Variants in WDHD1 observed in about 807,000 individuals in gnomAD.
The protein encoded by WDHD1 is WD repeat and HMG-box DNA binding protein 1, also known as WD repeat and HMG-box DNA-binding protein 1.
Under a neutral mutation model 135.4 loss-of-function variants are expected in WDHD1, and 111 were observed. That is an observed-to-expected ratio of 0.82 (90% CI 0.70 to 0.96). WDHD1 has a LOEUF of 0.96. Among genes scored for constraint, WDHD1 ranks in the 40% least tolerant of loss-of-function variants. The pLI is 0.00. For missense variants in WDHD1, 1,351 were observed against 1,336.3 expected (o/e 1.01, Z -0.17); for synonymous variants, 434 against 439.0 (o/e 0.99, Z 0.14).
chr14:54,942,872 C>G (rs1343563069), intron 25 of WDHD1, among the ~76,000 whole-genome samples: 3 of 152,160 alleles, frequency 2.0e-5, no homozygotes, highest in African/African-American at 7.2e-5. Context: ...TATTCAAAAA[C>G]ACAATCACAG....
intron 24 of WDHD1, among the ~76,000 whole-genome samples, chr14:54,954,274 G>A (rs545129886): frequency 3.5e-4 from 54 of 152,144 alleles, no homozygotes; most frequent in African/African-American, 1.2e-3. Flanking sequence ...CAACAAGAGC[G>A]AAACTCCGTC....
intron 21 of WDHD1, among the ~76,000 whole-genome samples, chr14:54,959,467 G>C (rs1169888352): frequency 6.6e-6 from 1 of 151,808 alleles, no homozygotes; most frequent in Non-Finnish European, 1.5e-5. Flanking sequence ...CAGGCAGGCA[G>C]GCAGGAAATT....
intron 7 of WDHD1, 130 bp from the exon 8 acceptor site, chr14:55,002,315 T>C: frequency 3.0e-6 from 2 of 658,162 alleles, no homozygotes; most frequent in South Asian, 4.1e-5. Context: ...TGTTTCTGTT[T>C]TTAAGAGACG....
intron 2 of WDHD1, among the ~76,000 whole-genome samples, chr14:55,019,817 C>T (rs185879996): frequency 4.1e-4 from 62 of 152,258 alleles, no homozygotes; most frequent in African/African-American, 1.3e-3. Flanking sequence ...TACAGTGAGC[C>T]GAGATCGTGC....
rs368758306 is a variant in WDHD1 at position 55,000,676 on chromosome 14, T to A, written c.801-32A>T. On this transcript the variant is annotated intron_variant, in intron 9 of 25. Transcript: ENST00000360586. ...ATTAAAAAGTAGGTTCTAAAAATAC[T>A]GTCAAGAAAAATATAAATTGTACAT... The A allele has an allele frequency of 6.8e-6, 10 of 1,476,228 alleles. No individual in the cohort carries two copies. The African/African-American group carries it at 1.1e-4, about 17-fold the overall frequency. 91.4% of individuals were successfully genotyped at this position (1,476,228 alleles called of 1,614,324 possible). A position where few individuals can be genotyped will look rare whatever the true frequency, so the allele number is the denominator to read the frequency against.
rs2040816134 is a variant in WDHD1, at chr14:54,939,989, C to A, written c.*1501G>T. On this transcript the variant is annotated 3_prime_UTR_variant, in exon 26 of 26. Coordinates refer to ENST00000360586, the MANE Select transcript of WDHD1 (RefSeq NM_007086.4). ...CTATAAATAAACCTTTACTTAAGATCTTGAAATCAAAATTAGTTTGTATAG... is the reference window on the plus strand; with the variant it reads ...CTATAAATAAACCTTTACTTAAGATATTGAAATCAAAATTAGTTTGTATAG... 1 of 152,156 alleles carries A rather than the reference C, an allele frequency of 6.6e-6. No homozygotes were observed. Among genetic ancestry groups the A allele is most frequent in the Admixed American group, 6.5e-5 (1 of 15,272 alleles). 9.4% of individuals were successfully genotyped at this position (152,156 alleles called of 1,614,324 possible).
intron 16 of WDHD1, among the ~76,000 whole-genome samples, chr14:54,975,352 A>ATT (rs796651921): frequency 2.1e-5 from 3 of 146,214 alleles, no homozygotes; most frequent in African/African-American, 7.5e-5. Flanking sequence ...CATATTCATA[A>ATT]TTTTTTTTTT....
At chr14:54,963,900 C>T (rs114619759) in intron 18 of WDHD1, among the ~76,000 whole-genome samples, 3 of 151,246 alleles carry the variant, frequency 2.0e-5, no homozygotes, top group African/African-American at 7.3e-5. Context: ...CTGCTAGAGG[C>T]CAGGAGTTTG....
intron 25 of WDHD1, among the ~76,000 whole-genome samples, chr14:54,944,119 T>C (rs554030384): frequency 3.1e-4 from 47 of 152,108 alleles, no homozygotes; most frequent in Non-Finnish European, 5.4e-4. Context: ...ATCGTTATTA[T>C]CTTTGTTGTT....
At chr14:54,943,550 C>A (rs2040871490) in intron 25 of WDHD1, among the ~76,000 whole-genome samples, 1 of 151,990 alleles carries the variant, frequency 6.6e-6, no homozygotes, top group South Asian at 2.1e-4. Context: ...AGGTGTGTGC[C>A]ACCATGCCAG....
At chr14:54,956,036 T>A (rs984522373) in intron 23 of WDHD1, among the ~76,000 whole-genome samples, 7 of 152,076 alleles carry the variant, frequency 4.6e-5, no homozygotes, top group African/African-American at 1.7e-4. Flanking sequence ...TAGCTGGGAT[T>A]ACAGGCACCT....
intron 16 of WDHD1, among the ~76,000 whole-genome samples, chr14:54,978,261 G>C (rs977429842): frequency 6.6e-6 from 1 of 152,082 alleles, no homozygotes; most frequent in Non-Finnish European, 1.5e-5. Context: ...AAATCACTGA[G>C]AACAACCTAC....
At position 54,953,692 on chromosome 14, in the gene WDHD1, A is replaced by G. The variant is rs1365231843; in HGVS notation, c.3050+1869T>C. 3.3e-5 allele frequency among the ~76,000 whole-genome samples: 5 copies of G among 152,242 alleles called. 1 individual carries two copies. Among genetic ancestry groups the G allele is most frequent in the Admixed American group, 6.5e-5 (1 of 15,284 alleles). ...GCACACGTATGTTTATTGTGGCACT[A>G]TTCACAATAGCAAAGACTTGGAACC... On this transcript the variant is annotated intron_variant, in intron 24 of 25. Transcript: ENST00000360586.
Position 54,941,574 on chromosome 14 carries a change from C to CT in WDHD1, c.3305dup (p.Asn1103GlufsTer6), listed in dbSNP as rs763783160. ...TCTGCTTTTTAGACAAATTCAGGTTCTCTTTTGCTTTTTCTTCCTGGTTTT... is the reference window on the plus strand; with the variant it reads ...TCTGCTTTTTAGACAAATTCAGGTTCTTCTTTTGCTTTTTCTTCCTGGTTTT... On this transcript the variant is annotated frameshift_variant, in exon 26 of 26. Transcript: ENST00000360586. LOFTEE classifies it high-confidence loss of function. 1 of 1,613,930 alleles carries CT rather than the reference C, an allele frequency of 6.2e-7. No homozygotes were observed. Among genetic ancestry groups the CT allele is most frequent in the East Asian group, 2.2e-5 (1 of 44,852 alleles).
chr14:55,008,755 C>G, intron 4 of WDHD1, 36 bp from the exon 5 acceptor site: 5 of 1,453,422 alleles, frequency 3.4e-6, no homozygotes, highest in Non-Finnish European at 3.8e-6. Context: ...TGAATAAATG[C>G]TAACACAAAG....
chr14:54,946,705 T>C (rs947911346), intron 24 of WDHD1, among the ~76,000 whole-genome samples: 10 of 152,152 alleles, frequency 6.6e-5, no homozygotes, highest in Non-Finnish European at 1.5e-4. Context: ...CCAGGCTGGT[T>C]CCAATCTCCT....
intron 16 of WDHD1, among the ~76,000 whole-genome samples, chr14:54,969,172 G>C (rs958180911): frequency 1.3e-5 from 2 of 152,106 alleles, no homozygotes; most frequent in African/African-American, 4.8e-5. Context: ...CCAAGTAGCT[G>C]AGACTACAGG....
intron 10 of WDHD1, among the ~76,000 whole-genome samples, chr14:54,997,865 C>T (rs900115877): frequency 2.1e-5 from 3 of 144,780 alleles, no homozygotes; most frequent in Admixed American, 7.1e-5. Context: ...GAGCCGAGAT[C>T]GCGCCATTGC....
chr14:54,955,629 T>G lies in WDHD1; in HGVS notation c.2982A>C (p.Glu994Asp). The change falls in exon 24 of 26, where the codon GAA (glutamate) becomes GAC (aspartate). Residue 994 changes from glutamate to aspartate, a missense_variant. This residue lies in a region of WDHD1 where 1,330 missense variants were observed against 1,296.1 expected (regional missense o/e 1.03). Transcript: ENST00000360586. ...SQTNKTEEVK[E>D]ENLKNVLSET... Reference sequence around the variant, plus strand: ...CAGATAATACATTTTTAAGATTTTCTTCTTTCACTTCCTCAGTTTTATTAG... The same window carrying G: ...CAGATAATACATTTTTAAGATTTTCGTCTTTCACTTCCTCAGTTTTATTAG... 6.3e-7 allele frequency: 1 copy of G among 1,593,296 alleles called. No individual in the cohort carries two copies. The highest frequency in any genetic ancestry group is 8.5e-7 in the Non-Finnish European group (1 of 1,172,458).
Sources: gnomAD v4.1 joint callset for allele counts (sites outside exome capture counted in the v4.1 genomes callset) on GRCh38, gnomAD v4.1.1 for gene constraint, gnomAD v4.1.1 regional missense constraint, MANE v1.5 for transcripts, NCBI Gene and HGNC (gene_info 2026-07-23, HGNC 2026-07-21) for gene names.